Variants in BRIP1 observed in about 807,000 individuals in gnomAD.
BRIP1 encodes BRCA1 interacting DNA helicase 1.
Under a neutral mutation model 119.7 loss-of-function variants are expected in BRIP1, and 88 were observed. That is an observed-to-expected ratio of 0.74 (90% CI 0.62 to 0.88). The LOEUF (loss-of-function observed/expected upper bound fraction) is 0.88. Among genes scored for constraint, BRIP1 ranks in the 40% least tolerant of loss-of-function variants. The probability of loss-of-function intolerance (pLI) is 0.00; values close to 1 mark genes in which losing one functional copy is unlikely to be tolerated. For missense variants in BRIP1, 1,259 were observed against 1,455.4 expected (o/e 0.87, Z 2.20); for synonymous variants, 443 against 496.5 (o/e 0.89, Z 1.43).
intron 6 of BRIP1, among the ~76,000 whole-genome samples, chr17:61,840,086 C>T (rs148379195): frequency 0.012 from 1,819 of 152,228 alleles, 19 homozygotes; most frequent in Non-Finnish European, 0.016. Flanking sequence ...TGGCCAGGTT[C>T]CGTGGCTCAC....
At position 61,703,045 on chromosome 17, in the gene BRIP1, T is replaced by C. The variant is rs2061640088; in HGVS notation, c.2493-9533A>G. 6.6e-6 allele frequency among the ~76,000 whole-genome samples: 1 copy of C among 151,618 alleles called. No individual in the cohort carries two copies. Among genetic ancestry groups the C allele is most frequent in the Admixed American group, 6.6e-5 (1 of 15,174 alleles). On this transcript the variant is annotated intron_variant, in intron 17 of 19. Coordinates refer to ENST00000259008, the MANE Select transcript of BRIP1 (RefSeq NM_032043.3). The surrounding 1 kb of genome is among the most constrained non-coding windows in gnomAD (Gnocchi z 5.0). ...GTGCGAGATGTTATCTCATTGTGTA[T>C]GTATGTGTTTTTTTGTTTTTGTTTG...
chr17:61,784,488 A>G, intron 10 of BRIP1, 64 bp from the exon 11 acceptor site: 1 of 1,437,568 alleles, frequency 7.0e-7, no homozygotes, highest in Non-Finnish European at 9.7e-7. Context: ...GAAACTTCTC[A>G]AAAATACAAT....
chr17:61,695,494 T>A lies in BRIP1; in HGVS notation c.2493-1982A>T, dbSNP rs928696451. ...GGTTCCTTGCTTTTCCATAATAATT[T>A]TAGAATCAGCTTCTCAATTCCTGCC... On this transcript the variant is annotated intron_variant, in intron 17 of 19. Coordinates refer to ENST00000259008, the MANE Select transcript of BRIP1 (RefSeq NM_032043.3). This position sits in a 1 kb window ranked among gnomAD's most constrained non-coding sequence, Gnocchi z 4.3. Among the ~76,000 whole-genome samples, 3 of 152,150 alleles carry A rather than the reference T, an allele frequency of 2.0e-5. No individual in the cohort carries two copies. Among genetic ancestry groups the A allele is most frequent in the Non-Finnish European group, 4.4e-5 (3 of 67,972 alleles).
At chr17:61,714,883 C>T (rs1289100557) in intron 17 of BRIP1, among the ~76,000 whole-genome samples, 1 of 149,838 alleles carries the variant, frequency 6.7e-6, no homozygotes, top group Non-Finnish European at 1.5e-5. Flanking sequence ...CTCACTGCAA[C>T]CCCCACCTCC....
In BRIP1 at chr17:61,801,487, A is replaced by G; in HGVS notation, c.919-13T>C. The G allele has an allele frequency of 1.3e-6, 2 of 1,561,916 alleles. No individual in the cohort carries two copies. The highest frequency in any genetic ancestry group is 1.8e-6 in the Non-Finnish European group (2 of 1,132,956). Reference sequence around the variant, plus strand: ...AGCAGGATTTTCCCTAGAAACAAATATGCATAACTGAAATGTGAACCAATA... The same window carrying G: ...AGCAGGATTTTCCCTAGAAACAAATGTGCATAACTGAAATGTGAACCAATA... On this transcript the variant is annotated splice_polypyrimidine_tract_variant and intron_variant, in intron 7 of 19. Coordinates refer to ENST00000259008, the MANE Select transcript of BRIP1 (RefSeq NM_032043.3).
Position 61,807,654 on chromosome 17 carries a change from T to C in BRIP1, c.918+813A>G, listed in dbSNP as rs755698657. On this transcript the variant is annotated intron_variant, in intron 7 of 19. Transcript: ENST00000259008. This position sits in a 1 kb window ranked among gnomAD's most constrained non-coding sequence, Gnocchi z 4.5. ...TTGTGTAGAACCAACTCTAATAAGA[T>C]ACTAGTGAAAAACAAAACAACTCTA... Among the ~76,000 whole-genome samples, 3 of 152,146 alleles carry C rather than the reference T, an allele frequency of 2.0e-5. No homozygotes were observed. Among genetic ancestry groups the C allele is most frequent in the Non-Finnish European group, 4.4e-5 (3 of 68,000 alleles).
At chr17:61,711,647 T>A (rs892496183) in intron 17 of BRIP1, among the ~76,000 whole-genome samples, 6 of 151,800 alleles carry the variant, frequency 4.0e-5, no homozygotes, top group Non-Finnish European at 8.8e-5. Context: ...AGCAGGAGGA[T>A]CACTTGAGGC....
intron 16 of BRIP1, among the ~76,000 whole-genome samples, chr17:61,723,878 G>A (rs2062022841): frequency 2.0e-5 from 3 of 151,994 alleles, no homozygotes; most frequent in African/African-American, 7.3e-5. Flanking sequence ...CCCTTACTGT[G>A]GCTTAAAATA....
chr17:61,811,298 T>C (rs1409966700), intron 6 of BRIP1, among the ~76,000 whole-genome samples: 1 of 152,020 alleles, frequency 6.6e-6, no homozygotes, highest in African/African-American at 2.4e-5. Flanking sequence ...GATCTCGGCT[T>C]ACCACAACTC....
Position 61,684,213 on chromosome 17 carries a change from T to C in BRIP1, c.2906-73A>G. 1 of 1,510,826 alleles carries C rather than the reference T, an allele frequency of 6.6e-7. No homozygotes were observed. The highest frequency in any genetic ancestry group is 9.0e-7 in the Non-Finnish European group (1 of 1,105,208). 93.6% of individuals were successfully genotyped at this position (1,510,826 alleles called of 1,614,324 possible). A position where few individuals can be genotyped will look rare whatever the true frequency, so the allele number is the denominator to read the frequency against. The stretch of plus-strand genomic sequence containing the variant: ...CATAATTGCTAGGTTAAAATAATTA[T>C]TTATTAGAAATACCTAAATAACTGT... On this transcript the variant is annotated intron_variant, in intron 19 of 19. Coordinates refer to ENST00000259008, the MANE Select transcript of BRIP1 (RefSeq NM_032043.3). This position sits in a 1 kb window ranked among gnomAD's most constrained non-coding sequence, Gnocchi z 4.5.
At chr17:61,829,196 ACTTAT>A (rs2078452810) in intron 6 of BRIP1, among the ~76,000 whole-genome samples, 1 of 152,140 alleles carries the variant, frequency 6.6e-6, no homozygotes. Flanking sequence ...TTTATAAGAA[ACTTAT>A]CTTAAATCTA....
chr17:61,690,555 C>T lies in BRIP1; in HGVS notation c.2575+2875G>A, dbSNP rs180906471. Among the ~76,000 whole-genome samples, 2 of 151,734 alleles carry T rather than the reference C, an allele frequency of 1.3e-5. No individual in the cohort carries two copies. The highest frequency in any genetic ancestry group is 3.9e-4 in the East Asian group (2 of 5,170). On this transcript the variant is annotated intron_variant, in intron 18 of 19. Transcript: ENST00000259008. The surrounding 1 kb of genome is among the most constrained non-coding windows in gnomAD (Gnocchi z 5.6). ...AAAGGAAATATCTATAGAAGGTATA[C>T]AAAAGAAAAATGAGAAAGGAATCAA...
At position 61,780,651 on chromosome 17, in the gene BRIP1, C is replaced by G. The variant is rs1001287285; in HGVS notation, c.1794+189G>C. Among the ~76,000 whole-genome samples the G allele has an allele frequency of 6.6e-6, 1 of 152,072 alleles. No homozygotes were observed. The highest frequency in any genetic ancestry group is 2.4e-5 in the African/African-American group (1 of 41,406). ...GCTAAGGTGGGAGGATCGCTTGAGCCTGGAAGGTCAAGGCTACAGTGAGCT... is the reference window on the plus strand; with the variant it reads ...GCTAAGGTGGGAGGATCGCTTGAGCGTGGAAGGTCAAGGCTACAGTGAGCT... On this transcript the variant is annotated intron_variant, in intron 12 of 19. Coordinates refer to ENST00000259008, the MANE Select transcript of BRIP1 (RefSeq NM_032043.3). This position sits in a 1 kb window ranked among gnomAD's most constrained non-coding sequence, Gnocchi z 5.4.
rs1340243277 is a variant in BRIP1, at chr17:61,860,916, AAAT to A, written c.93+528_93+530del. The stretch of plus-strand genomic sequence containing the variant: ...ATCAATGCACAGTTTCAAATATGTA[AAAT>A]AATATTCTATATTGTTTATGGATAC... On this transcript the variant is annotated intron_variant, in intron 2 of 19. Transcript: ENST00000259008. This position sits in a 1 kb window ranked among gnomAD's most constrained non-coding sequence, Gnocchi z 4.1. Among the ~76,000 whole-genome samples, 2 of 152,212 alleles carry A rather than the reference AAAT, an allele frequency of 1.3e-5. No homozygotes were observed. The highest frequency in any genetic ancestry group is 4.8e-5 in the African/African-American group (2 of 41,460).
In BRIP1 at chr17:61,772,193, AT is replaced by A. The variant is rs1267943500; in HGVS notation, c.2097+4207del. 1.6e-4 allele frequency among the ~76,000 whole-genome samples: 16 copies of A among 99,138 alleles called. 1 individual carries two copies. Among genetic ancestry groups the A allele is most frequent in the Admixed American group, 1.0e-3 (8 of 7,740 alleles). The allele number at this position is 99,138 out of a possible 152,430, so 65.0% of individuals were successfully genotyped here. A position where few individuals can be genotyped will look rare whatever the true frequency, so the allele number is the denominator to read the frequency against. On this transcript the variant is annotated intron_variant, in intron 14 of 19. Coordinates refer to ENST00000259008, the MANE Select transcript of BRIP1 (RefSeq NM_032043.3). ...TATATATATATATATATATATATATATATATATATATATATAAAATGAAATA... is the reference window on the plus strand; with the variant it reads ...TATATATATATATATATATATATATAATATATATATATATAAAATGAAATA...
intron 17 of BRIP1, among the ~76,000 whole-genome samples, chr17:61,715,188 A>G (rs1365901030): frequency 6.6e-6 from 1 of 151,118 alleles, no homozygotes; most frequent in African/African-American, 2.4e-5. Flanking sequence ...CAACACAGTG[A>G]GGCTGTCTAA....
In BRIP1 at chr17:61,705,311, T is replaced by C. The variant is rs2061676495; in HGVS notation, c.2492+10640A>G. Among the ~76,000 whole-genome samples the C allele has an allele frequency of 6.6e-6, 1 of 152,212 alleles. No individual in the cohort carries two copies. The highest frequency in any genetic ancestry group is 1.5e-5 in the Non-Finnish European group (1 of 68,036). Reference sequence around the variant, plus strand: ...GCTGTGCAGTATTCCACGGTGTATATGTACCACATTTTCTTTATCTAGTCC... The same window carrying C: ...GCTGTGCAGTATTCCACGGTGTATACGTACCACATTTTCTTTATCTAGTCC... On this transcript the variant is annotated intron_variant, in intron 17 of 19. Coordinates refer to ENST00000259008, the MANE Select transcript of BRIP1 (RefSeq NM_032043.3). This position sits in a 1 kb window ranked among gnomAD's most constrained non-coding sequence, Gnocchi z 5.0.
At chr17:61,786,732 TTC>T (rs1477771643) in intron 10 of BRIP1, among the ~76,000 whole-genome samples, 1 of 139,708 alleles carries the variant, frequency 7.2e-6, no homozygotes, top group Non-Finnish European at 1.5e-5. Context: ...TTAAAGTGAG[TTC>T]TGTGGGTTAT....
intron 10 of BRIP1, among the ~76,000 whole-genome samples, chr17:61,787,744 G>C (rs992615410): frequency 6.6e-6 from 1 of 151,904 alleles, no homozygotes; most frequent in Non-Finnish European, 1.5e-5. Context: ...TCCCAGGTTT[G>C]CGCCATTCTC....
Sources: allele counts gnomAD v4.1 joint callset (sites outside exome capture counted in the v4.1 genomes callset), GRCh38; gene constraint gnomAD v4.1.1; non-coding constraint Gnocchi (gnomAD v3.1); transcripts MANE v1.5; gene names NCBI Gene and HGNC (gene_info 2026-07-23, HGNC 2026-07-21).